The following SNRK variants were observed in gnomAD, a reference collection of about 807,000 sequenced individuals.
SNRK encodes the protein SNF-related serine/threonine-protein kinase.
A neutral mutation model predicts 48.2 loss-of-function variants in SNRK; 3 were observed. The ratio of observed to expected loss-of-function variants is 0.06; its 90% CI spans 0.03 to 0.16. The LOEUF is 0.16. Ranked by LOEUF, SNRK falls within the 10% of genes least tolerant of loss-of-function variation. The pLI, the probability that SNRK is intolerant of heterozygous loss-of-function variation, is 1.00. For synonymous variants in SNRK, 376 were observed against 366.1 expected (o/e 1.03, Z -0.31); for missense variants, 627 against 976.0 (o/e 0.64, Z 4.76).
intron 1 of SNRK, among the ~76,000 whole-genome samples, chr3:43,289,102 T>C (rs1338196462): frequency 1.3e-5 from 2 of 152,106 alleles, no homozygotes; most frequent in Non-Finnish European, 2.9e-5. Context: ...AACACCAAGG[T>C]AAACAGTAAC....
At chr3:43,312,851 C>T (rs1487614775) in intron 3 of SNRK, among the ~76,000 whole-genome samples, 2 of 152,146 alleles carry the variant, frequency 1.3e-5, no homozygotes, top group South Asian at 2.1e-4. Context: ...AAGTGAAATA[C>T]CTAGATACAC....
At chr3:43,317,202 A>G (rs2091020330) in intron 3 of SNRK, among the ~76,000 whole-genome samples, 1 of 152,198 alleles carries the variant, frequency 6.6e-6, no homozygotes, top group Non-Finnish European at 1.5e-5. Context: ...TGAACTTCCT[A>G]ATGGGGCTGA....
In SNRK at chr3:43,346,699, T is replaced by A. The variant is rs145725643; in HGVS notation, c.1080-640T>A. ...TCAAGGCTGTAGTGAGCTGCATTCA[T>A]GCCCTTGCACTCCAGCCTGAATAAC... is the stretch of plus-strand genomic sequence containing the variant. On this transcript the variant is annotated intron_variant, in intron 6 of 6. Coordinates refer to ENST00000296088, the MANE Select transcript of SNRK (RefSeq NM_017719.5). Among the ~76,000 whole-genome samples the A allele has an allele frequency of 2.9e-3, 444 of 152,318 alleles. 1 individual carries two copies. Among genetic ancestry groups the A allele is most frequent in the African/African-American group, 0.01 (428 of 41,564 alleles).
intron 3 of SNRK, chr3:43,315,348 T>C (rs890167584): frequency 6.6e-6 from 1 of 152,236 alleles, no homozygotes; most frequent in Admixed American, 6.5e-5. Flanking sequence ...ATTTTTACAG[T>C]CCTTCCCAAG....
chr3:43,345,552 C>T (rs1194846484), intron 6 of SNRK, among the ~76,000 whole-genome samples: 1 of 152,108 alleles, frequency 6.6e-6, no homozygotes, highest in Non-Finnish European at 1.5e-5. Flanking sequence ...GGCTGGGTGT[C>T]TTCACAAGCA....
At chr3:43,333,793 A>G (rs2091166417) in intron 4 of SNRK, among the ~76,000 whole-genome samples, 2 of 152,298 alleles carry the variant, frequency 1.3e-5, no homozygotes, top group South Asian at 4.1e-4. Flanking sequence ...AGCTTAAGAA[A>G]TAGAACAGTT....
chr3:43,332,080 C>T, intron 3 of SNRK, 89 bp from the exon 4 acceptor site: 2 of 1,047,606 alleles, frequency 1.9e-6, no homozygotes, highest in South Asian at 2.7e-5. Flanking sequence ...CTTTTGACTG[C>T]TCAAGATAAA....
At chr3:43,340,036 T>C (rs2091223684) in intron 4 of SNRK, among the ~76,000 whole-genome samples, 1 of 151,578 alleles carries the variant, frequency 6.6e-6, no homozygotes, top group South Asian at 2.1e-4. Flanking sequence ...TGTTGATACC[T>C]ATAGTTAATT....
At chr3:43,335,652 G>A (rs1333848144) in intron 4 of SNRK, among the ~76,000 whole-genome samples, 2 of 152,080 alleles carry the variant, frequency 1.3e-5, no homozygotes, top group Non-Finnish European at 2.9e-5. Context: ...GGATCTATCA[G>A]TTACTGAGGT....
chr3:43,304,475 CTT>C (rs1224966998), intron 3 of SNRK, among the ~76,000 whole-genome samples: 2 of 152,154 alleles, frequency 1.3e-5, no homozygotes, highest in African/African-American at 2.4e-5. Context: ...TCTCCACACA[CTT>C]TGTGCTCTTT....
chr3:43,342,347 C>T (rs561654044), intron 5 of SNRK, among the ~76,000 whole-genome samples: 36 of 152,278 alleles, frequency 2.4e-4, no homozygotes, highest in African/African-American at 8.4e-4. Flanking sequence ...AGTTCCAACA[C>T]ACACCTTTCT....
At chr3:43,314,487 T>G (rs1310804459) in intron 3 of SNRK, among the ~76,000 whole-genome samples, 2 of 152,180 alleles carry the variant, frequency 1.3e-5, no homozygotes, top group Non-Finnish European at 2.9e-5. Context: ...CTTGACATAT[T>G]CAAGCCAAGA....
chr3:43,347,595 G>A lies in SNRK; in HGVS notation c.1336G>A (p.Glu446Lys), dbSNP rs751198756. The A allele has an allele frequency of 2.5e-6, 4 of 1,614,020 alleles. No homozygotes were observed. The highest frequency in any genetic ancestry group is 3.4e-6 in the Non-Finnish European group (4 of 1,180,024). The change falls in exon 7 of 7, where the codon GAA becomes AAA. Residue 446 changes from glutamate (E) to lysine (K), a missense_variant. Around this residue, in one of 4 missense-constraint regions of SNRK, gnomAD observed 175 missense variants for 209.7 expected, o/e 0.83. Coordinates refer to ENST00000296088, the MANE Select transcript of SNRK (RefSeq NM_017719.5). This position sits in a 1 kb window ranked among gnomAD's most constrained non-coding sequence, Gnocchi z 5.4. ...TGGGCGGAAGTGTCTGTTCAGGGTG[G>A]AAGAAGATGAAGAGGAAGATGAGGA... ...ASGRKCLFRV[E>K]EDEEEDEEDK...
In SNRK at chr3:43,303,903, T is replaced by C. The variant is rs577157437; in HGVS notation, c.589+111T>C. The C allele has an allele frequency of 7.5e-6, 6 of 796,390 alleles. No individual in the cohort carries two copies. The African/African-American group carries it at 1.0e-4, about 14-fold the overall frequency. The allele number at this position is 796,390 out of a possible 1,614,324, so 49.3% of individuals were successfully genotyped here. On this transcript the variant is annotated intron_variant, in intron 3 of 6. Transcript: ENST00000296088. This position sits in a 1 kb window ranked among gnomAD's most constrained non-coding sequence, Gnocchi z 6.2. ...TAGAGAATTTCTGTTAAATTGGCCTTAACTAGCAAATTGGGTTTCATAAAT... is the reference window on the plus strand; with the variant it reads ...TAGAGAATTTCTGTTAAATTGGCCTCAACTAGCAAATTGGGTTTCATAAAT...
In SNRK at chr3:43,297,981, G is replaced by A. The variant is rs867991761; in HGVS notation, c.-168-1773G>A. Among the ~76,000 whole-genome samples, 3 of 152,088 alleles carry A rather than the reference G, an allele frequency of 2.0e-5. No homozygotes were observed. The South Asian group carries it at 6.2e-4, about 32-fold the overall frequency. ...GGTGAATTCATTCGCTTGAAGTAGG[G>A]TCAGCAACTGAAAGAATTTCTGCTT... On this transcript the variant is annotated intron_variant, in intron 1 of 6. Transcript: ENST00000296088.
chr3:43,320,541 A>G (rs1186602229), intron 3 of SNRK, among the ~76,000 whole-genome samples: 1 of 152,188 alleles, frequency 6.6e-6, no homozygotes, highest in Admixed American at 6.5e-5. Flanking sequence ...GAGGACTGAA[A>G]CTGGCTTAAC....
chr3:43,322,674 C>T (rs991459227), intron 3 of SNRK, among the ~76,000 whole-genome samples: 16 of 152,082 alleles, frequency 1.1e-4, no homozygotes, highest in African/African-American at 1.9e-4. Flanking sequence ...ATTGGTAGGC[C>T]GGGTGCAGTG....
intron 1 of SNRK, among the ~76,000 whole-genome samples, chr3:43,295,417 CGAA>C (rs2090845263): frequency 6.6e-6 from 1 of 152,184 alleles, no homozygotes; most frequent in Non-Finnish European, 1.5e-5. Context: ...TTGATGAAAA[CGAA>C]GAACATACTT....
intron 3 of SNRK, among the ~76,000 whole-genome samples, chr3:43,313,603 T>C (rs1039088382): frequency 6.6e-6 from 1 of 152,220 alleles, no homozygotes; most frequent in Non-Finnish European, 1.5e-5. Flanking sequence ...GATGGAGCAC[T>C]TCTGTGTCTG....
Sources: gnomAD v4.1 joint callset for allele counts (sites outside exome capture counted in the v4.1 genomes callset) on GRCh38, gnomAD v4.1.1 for gene constraint, gnomAD v4.1.1 regional missense constraint, Gnocchi (gnomAD v3.1) non-coding constraint, MANE v1.5 for transcripts, NCBI Gene and HGNC (gene_info 2026-07-23, HGNC 2026-07-21) for gene names.